CMIP: variants seen among roughly 807,000 people sequenced by gnomAD.
CMIP encodes the protein c-Maf inducing protein.
Under a neutral mutation model 97.3 loss-of-function variants are expected in CMIP, and 13 were observed. That is an observed-to-expected ratio of 0.13 (90% CI 0.09 to 0.21). The LOEUF is 0.21. Ranked by LOEUF, CMIP falls within the 10% of genes least tolerant of loss-of-function variation. The pLI, the probability that CMIP is intolerant of heterozygous loss-of-function variation, is 1.00. For missense variants in CMIP, 847 were observed against 1,024.9 expected, an observed-to-expected ratio of 0.83 and a Z score of 2.37; for synonymous variants, 538 against 436.3, an observed-to-expected ratio of 1.23 and a Z score of -2.91.
intron 1 of CMIP, among the ~76,000 whole-genome samples, chr16:81,447,229 T>C (rs1424208294): frequency 6.6e-6 from 1 of 151,548 alleles, no homozygotes; most frequent in Non-Finnish European, 1.5e-5. Context: ...AGGGGGACTT[T>C]ATTGGGCTTT....
At chr16:81,604,196 C>G (rs1027101676) in intron 1 of CMIP, among the ~76,000 whole-genome samples, 1 of 150,858 alleles carries the variant, frequency 6.6e-6, no homozygotes, top group Non-Finnish European at 1.5e-5. Context: ...GAGTTCGAGA[C>G]CAGCCTGGCC....
At chr16:81,493,532 G>A (rs2089438776) in intron 1 of CMIP, among the ~76,000 whole-genome samples, 1 of 152,230 alleles carries the variant, frequency 6.6e-6, no homozygotes. Flanking sequence ...CCTCTTTATG[G>A]TGACGATGAC....
At chr16:81,709,722 A>G in intron 20 of CMIP, 24 bp from the exon 21 acceptor site, 1 of 1,613,636 alleles carries the variant, frequency 6.2e-7, no homozygotes, top group Non-Finnish European at 8.5e-7. Context: ...TACACGTGAC[A>G]AGGACTCTTA....
At chr16:81,605,673 G>A (rs569309745) in intron 1 of CMIP, among the ~76,000 whole-genome samples, 1 of 152,122 alleles carries the variant, frequency 6.6e-6, no homozygotes, top group Admixed American at 6.5e-5. Flanking sequence ...CTTTGCACTG[G>A]CCGTGGGGTC....
At chr16:81,685,607 C>T (rs1905293869) in intron 10 of CMIP, among the ~76,000 whole-genome samples, 1 of 152,036 alleles carries the variant, frequency 6.6e-6, no homozygotes, top group African/African-American at 2.4e-5. Context: ...TATAGTGCCG[C>T]AGTTACAGGT....
chr16:81,570,544 C>T lies in CMIP; in HGVS notation c.301-37023C>T, dbSNP rs113141825. Among the ~76,000 whole-genome samples the T allele has an allele frequency of 9.9e-5, 15 of 152,226 alleles. 1 individual carries two copies. The highest frequency in any genetic ancestry group is 3.3e-4 in the Admixed American group (5 of 15,300). ...AGTTTTGAAGAAGCCGAGGTGGAAA[C>T]GCCAGGGAGCCCCACCCTACCCCTG... On this transcript the variant is annotated intron_variant, in intron 1 of 20. Coordinates refer to ENST00000537098, the MANE Select transcript of CMIP (RefSeq NM_198390.3).
intron 15 of CMIP, 40 bp downstream of exon 15, chr16:81,699,841 C>T: frequency 3.6e-6 from 5 of 1,389,380 alleles, no homozygotes; most frequent in Non-Finnish European, 5.1e-6. Context: ...GTGGCTGGCT[C>T]CCCGTCCCTT....
chr16:81,454,680 A>G (rs1906437666), intron 1 of CMIP, among the ~76,000 whole-genome samples: 1 of 152,264 alleles, frequency 6.6e-6, no homozygotes, highest in Admixed American at 6.5e-5. Flanking sequence ...AAAGTCAGAC[A>G]TACTCTTCCC....
At chr16:81,545,278 G>T (rs538201118) in intron 1 of CMIP, among the ~76,000 whole-genome samples, 3 of 152,186 alleles carry the variant, frequency 2.0e-5, no homozygotes, top group African/African-American at 7.2e-5. Flanking sequence ...GATTTGCTGC[G>T]CTTCTAGAGA....
chr16:81,470,891 A>G (rs1907487143), intron 1 of CMIP, among the ~76,000 whole-genome samples: 2 of 152,248 alleles, frequency 1.3e-5, no homozygotes, highest in South Asian at 4.1e-4. Context: ...ACAAAAAGAA[A>G]TCCTTTCTTG....
chr16:81,600,275 G>GAAAAAAAA (rs71146022), intron 1 of CMIP, among the ~76,000 whole-genome samples: 1 of 81,714 alleles, frequency 1.2e-5, no homozygotes, highest in East Asian at 4.1e-4. Context: ...GACTCCATCT[G>GAAAAAAAA]AAAAAAAAAA....
intron 10 of CMIP, among the ~76,000 whole-genome samples, chr16:81,683,520 G>A (rs1272052905): frequency 6.6e-6 from 1 of 152,030 alleles, no homozygotes; most frequent in African/African-American, 2.4e-5. Flanking sequence ...CTCCCCAGTA[G>A]CTAGGATTAC....
rs1021993920 is a variant in CMIP, at chr16:81,447,387, G to A, written c.300+1846G>A. ...AGAAGCCAGGAGTGAGTGTCCCGCTGCTACCGTCCTGTTTCCGGAAAGCCA... is the reference window on the plus strand; with the variant it reads ...AGAAGCCAGGAGTGAGTGTCCCGCTACTACCGTCCTGTTTCCGGAAAGCCA... On this transcript the variant is annotated intron_variant, in intron 1 of 20. Coordinates refer to ENST00000537098, the MANE Select transcript of CMIP (RefSeq NM_198390.3). Among the ~76,000 whole-genome samples the A allele has an allele frequency of 5.3e-5, 8 of 152,120 alleles. No individual in the cohort carries two copies. In the East Asian group the frequency reaches 1.5e-3, roughly 29 times the overall value.
chr16:81,594,988 A>G (rs1188297084), intron 1 of CMIP, among the ~76,000 whole-genome samples: 1 of 151,952 alleles, frequency 6.6e-6, no homozygotes, highest in East Asian at 1.9e-4. Context: ...AACAGCAGCA[A>G]TTTAAAAAAT....
intron 1 of CMIP, among the ~76,000 whole-genome samples, chr16:81,469,671 A>G (rs1317892942): frequency 2.0e-5 from 3 of 152,158 alleles, no homozygotes; most frequent in Non-Finnish European, 4.4e-5. Flanking sequence ...CTGTGGATTC[A>G]CAGTTCTTCA....
At chr16:81,703,754 C>T in intron 17 of CMIP, 185 bp from the exon 18 acceptor site, 1 of 726,932 alleles carries the variant, frequency 1.4e-6, no homozygotes, top group Non-Finnish European at 2.2e-6. Context: ...CAGCCCCTCC[C>T]TCTCTGGCCA....
chr16:81,582,693 C>A (rs1332726336), intron 1 of CMIP, among the ~76,000 whole-genome samples: 2 of 152,168 alleles, frequency 1.3e-5, no homozygotes, highest in Non-Finnish European at 2.9e-5. Flanking sequence ...CCCAGCAGGG[C>A]CTCGCTCCCA....
At chr16:81,544,231 C>G (rs1034950306) in intron 1 of CMIP, among the ~76,000 whole-genome samples, 10 of 152,340 alleles carry the variant, frequency 6.6e-5, no homozygotes, top group Admixed American at 2.0e-4. Flanking sequence ...GTGCACGCAT[C>G]CCTTTTCAAT....
intron 1 of CMIP, among the ~76,000 whole-genome samples, chr16:81,465,704 C>G (rs1173195012): frequency 6.6e-6 from 1 of 152,246 alleles, no homozygotes; most frequent in Non-Finnish European, 1.5e-5. Context: ...ACCATTTCGC[C>G]TGTGGTGGTG....
Sources: gnomAD v4.1 joint callset for allele counts (sites outside exome capture counted in the v4.1 genomes callset) on GRCh38, gnomAD v4.1.1 for gene constraint, MANE v1.5 for transcripts, NCBI Gene and HGNC (gene_info 2026-07-23, HGNC 2026-07-21) for gene names.